ABHD5: variants seen among roughly 807,000 people sequenced by gnomAD.
The protein encoded by ABHD5 is 1-acylglycerol-3-phosphate O-acyltransferase ABHD5.
ABHD5 carries 30 observed loss-of-function variants against 44.9 expected under a neutral mutation model. The ratio of observed to expected loss-of-function variants is 0.67; its 90% confidence interval spans 0.50 to 0.91. ABHD5 has a LOEUF of 0.91. ABHD5 is among the 40% of genes least tolerant of loss of function. The probability of loss-of-function intolerance (pLI) is 0.00; values close to 1 mark genes in which losing one functional copy is unlikely to be tolerated. For synonymous variants in ABHD5, 167 were observed against 147.0 expected (o/e 1.14, Z -0.99); for missense variants, 399 against 423.4 (o/e 0.94, Z 0.50).
Position 43,718,573 on chromosome 3 carries a change from AGTT to A in ABHD5, c.*45_*47del, listed in dbSNP as rs1484923284. On this transcript the variant is annotated 3_prime_UTR_variant, in exon 7 of 7. Transcript: ENST00000644371. ...GATGGGAAAACCTGGTGACTGATAT[AGTT>A]GTTCAGCAATAATTCATAGTCTGTG... 8.3e-6 allele frequency: 13 copies of A among 1,566,912 alleles called. No homozygotes were observed. The highest frequency in any genetic ancestry group is 1.4e-5 in the African/African-American group (1 of 73,900).
intron 3 of ABHD5, chr3:43,707,513 A>G (rs1260540721): frequency 6.6e-6 from 1 of 152,186 alleles, no homozygotes; most frequent in Non-Finnish European, 1.5e-5. Context: ...CCAATGGGAA[A>G]TACCTGGGGC....
intron 4 of ABHD5, among the ~76,000 whole-genome samples, chr3:43,712,067 A>G (rs1025567510): frequency 1.3e-5 from 2 of 152,164 alleles, no homozygotes; most frequent in Non-Finnish European, 2.9e-5. Flanking sequence ...TATATTGTAA[A>G]CATTGTGAAT....
intron 5 of ABHD5, among the ~76,000 whole-genome samples, chr3:43,717,137 T>C (rs1014523178): frequency 6.6e-6 from 1 of 150,794 alleles, no homozygotes; most frequent in African/African-American, 2.4e-5. Context: ...TGCGTGCAGC[T>C]GCACTCCAGC....
At chr3:43,695,182 T>C (rs2084458015) in intron 1 of ABHD5, 1 of 152,184 alleles carries the variant, frequency 6.6e-6, no homozygotes, top group Non-Finnish European at 1.5e-5. Flanking sequence ...TTTTTCTCTT[T>C]CCCAAGAATA....
At chr3:43,697,888 C>G (rs1379550724) in intron 1 of ABHD5, among the ~76,000 whole-genome samples, 1 of 152,088 alleles carries the variant, frequency 6.6e-6, no homozygotes, top group Non-Finnish European at 1.5e-5. Context: ...AGCTGTATAC[C>G]CTTGGACTTG....
At chr3:43,722,941 A>G (rs1249852996), downstream of ABHD5, among the ~76,000 whole-genome samples, 1 of 152,184 alleles carries the variant, frequency 6.6e-6, no homozygotes, top group Non-Finnish European at 1.5e-5. Flanking sequence ...GCCTAGAAAT[A>G]ATCACAGCTC....
At chr3:43,700,189 G>C (rs1328795539) in intron 2 of ABHD5, among the ~76,000 whole-genome samples, 1 of 151,586 alleles carries the variant, frequency 6.6e-6, no homozygotes, top group East Asian at 1.9e-4. Flanking sequence ...CTTATAAAAT[G>C]AATGGGTCCA....
chr3:43,727,898 C>T (rs962004825), intron 7 of ABHD5, among the ~76,000 whole-genome samples: 15 of 152,276 alleles, frequency 9.9e-5, no homozygotes, highest in East Asian at 5.8e-4. Context: ...CGTGAGCCAC[C>T]GCACCTGGCC....
chr3:43,731,945 G>A (rs990083041), intron 7 of ABHD5, among the ~76,000 whole-genome samples: 2 of 152,166 alleles, frequency 1.3e-5, no homozygotes, highest in African/African-American at 4.8e-5. Context: ...GCCCCATGCA[G>A]TTGCACAGCT....
At position 43,720,969 on chromosome 3, in the gene ABHD5, T is replaced by C. The variant is rs2084828951; in HGVS notation, c.*2437T>C. The C allele has an allele frequency of 6.6e-6, 1 of 152,004 alleles. No individual in the cohort carries two copies. The highest frequency in any genetic ancestry group is 2.4e-5 in the African/African-American group (1 of 41,404). The allele number at this position is 152,004 out of a possible 1,614,324, so 9.4% of individuals were successfully genotyped here. On this transcript the variant is annotated 3_prime_UTR_variant, in exon 7 of 7. Coordinates refer to ENST00000644371, the MANE Select transcript of ABHD5 (RefSeq NM_016006.6). ...TTAGAATATGATTTGCAGAACACTT[T>C]TGAAATGTCTTCATTCATATATGTA...
chr3:43,714,673 C>CT (rs1243760604), intron 4 of ABHD5, among the ~76,000 whole-genome samples: 3 of 152,120 alleles, frequency 2.0e-5, no homozygotes, highest in African/African-American at 7.2e-5. Flanking sequence ...ACAAAAGTGC[C>CT]TTCTAACTTA....
chr3:43,695,353 T>G (rs1297940698), intron 1 of ABHD5, among the ~76,000 whole-genome samples: 1 of 152,208 alleles, frequency 6.6e-6, no homozygotes, highest in African/African-American at 2.4e-5. Context: ...ATTTGGATAT[T>G]TATAATAAAA....
In ABHD5 at chr3:43,719,952, G is replaced by A. The variant is rs1442828879; in HGVS notation, c.*1420G>A. 6.6e-6 allele frequency: 1 copy of A among 152,146 alleles called. No individual in the cohort carries two copies. Among genetic ancestry groups the A allele is most frequent in the Middle Eastern group, 3.2e-3 (1 of 316 alleles). The allele number at this position is 152,146 out of a possible 1,614,324, so 9.4% of individuals were successfully genotyped here. ...ATTTGTAGTTGTTAGGAAATGTAAG[G>A]TTGTGTCACTGTTGATTAACTGCCA... is the stretch of plus-strand genomic sequence containing the variant. On this transcript the variant is annotated 3_prime_UTR_variant, in exon 7 of 7. Coordinates refer to ENST00000644371, the MANE Select transcript of ABHD5 (RefSeq NM_016006.6).
chr3:43,733,645 A>G (rs1229058940), intron 7 of ABHD5, among the ~76,000 whole-genome samples: 1 of 152,184 alleles, frequency 6.6e-6, no homozygotes, highest in Admixed American at 6.5e-5. Flanking sequence ...AGTAATTTAC[A>G]TTTGAGTCAC....
Position 43,719,582 on chromosome 3 carries a change from T to C in ABHD5, c.*1050T>C, listed in dbSNP as rs891307123. 5 of 152,200 alleles carry C rather than the reference T, an allele frequency of 3.3e-5. No individual in the cohort carries two copies. Among genetic ancestry groups the C allele is most frequent in the Non-Finnish European group, 7.4e-5 (5 of 68,016 alleles). The allele number at this position is 152,200 out of a possible 1,614,324, so 9.4% of individuals were successfully genotyped here. ...TGTTGCTGTTGTTTATTAAGAGTAT[T>C]GTGTTAATTAAATCATTACATACTT... is the stretch of plus-strand genomic sequence containing the variant. On this transcript the variant is annotated 3_prime_UTR_variant, in exon 7 of 7. Coordinates refer to ENST00000644371, the MANE Select transcript of ABHD5 (RefSeq NM_016006.6).
chr3:43,733,102 C>T (rs1052991430), intron 7 of ABHD5, among the ~76,000 whole-genome samples: 2 of 152,170 alleles, frequency 1.3e-5, no homozygotes, highest in African/African-American at 2.4e-5. Flanking sequence ...AGTGACATCC[C>T]GCGGTCTTTG....
At chr3:43,693,502 C>G (rs1027709884) in intron 1 of ABHD5, among the ~76,000 whole-genome samples, 1 of 152,292 alleles carries the variant, frequency 6.6e-6, no homozygotes, top group African/African-American at 2.4e-5. Flanking sequence ...GTGCCTTTCT[C>G]TCTGCTGCCT....
chr3:43,691,356 C>G, intron 1 of ABHD5: 1 of 223,214 alleles, frequency 4.5e-6, no homozygotes, highest in Non-Finnish European at 8.7e-6. Context: ...GGCGACGGAG[C>G]TGGCCGCGGC....
chr3:43,704,334 C>T (rs190716731), intron 3 of ABHD5, among the ~76,000 whole-genome samples: 3 of 152,162 alleles, frequency 2.0e-5, no homozygotes, highest in Non-Finnish European at 4.4e-5. Context: ...CCACCGCACC[C>T]GCTGGTGTTA....
Sources: gnomAD v4.1 joint callset for allele counts (sites outside exome capture counted in the v4.1 genomes callset) on GRCh38, gnomAD v4.1.1 for gene constraint, MANE v1.5 for transcripts, NCBI Gene and HGNC (gene_info 2026-07-23, HGNC 2026-07-21) for gene names.